Variants in EIF4G3 observed in about 807,000 individuals in gnomAD.
EIF4G3 encodes the protein eukaryotic translation initiation factor 4 gamma 3.
EIF4G3 carries 34 observed loss-of-function variants against 186.4 expected under a neutral mutation model. The observed-to-expected ratio is 0.18, with a 90% CI of 0.14 to 0.24. The LOEUF (loss-of-function observed/expected upper bound fraction) is 0.24. Ranked by LOEUF, EIF4G3 falls within the 10% of genes least tolerant of loss-of-function variation. The pLI, the probability that EIF4G3 is intolerant of heterozygous loss-of-function variation, is 1.00. For synonymous variants in EIF4G3, 673 were observed against 679.5 expected (o/e 0.99, Z 0.15); for missense variants, 1,536 against 1,948.5 (o/e 0.79, Z 3.99).
intron 29 of EIF4G3, among the ~76,000 whole-genome samples, chr1:20,847,261 C>G (rs191979647): frequency 7.9e-5 from 12 of 152,314 alleles, no homozygotes; most frequent in African/African-American, 2.9e-4. Flanking sequence ...CAGCACCCAA[C>G]GCAGAGTAAG....
At chr1:20,943,414 A>G (rs2095798003) in intron 13 of EIF4G3, among the ~76,000 whole-genome samples, 1 of 152,230 alleles carries the variant, frequency 6.6e-6, no homozygotes, top group Admixed American at 6.5e-5. Context: ...GAAAAACACA[A>G]GGAACAATAA....
chr1:20,909,028 T>C (rs2092746793), intron 14 of EIF4G3, among the ~76,000 whole-genome samples: 1 of 152,060 alleles, frequency 6.6e-6, no homozygotes, highest in Admixed American at 6.5e-5. Flanking sequence ...GGCATGTGCC[T>C]GTAATCCCAG....
At position 20,853,684 on chromosome 1, in the gene EIF4G3, A is replaced by C; in HGVS notation, c.3434-7T>G. 3 of 1,596,764 alleles carry C rather than the reference A, an allele frequency of 1.9e-6. No homozygotes were observed. Among genetic ancestry groups the C allele is most frequent in the Non-Finnish European group, 1.7e-6 (2 of 1,164,862 alleles). ...GCACTTGACCGTAAGGCATCTACAC[A>C]TGTCGAGGATTTAGAAAAAAATACA... On this transcript the variant is annotated splice_region_variant and splice_polypyrimidine_tract_variant and intron_variant, in intron 26 of 36. Coordinates refer to ENST00000602326, the MANE Select transcript of EIF4G3 (RefSeq NM_001391906.1).
At chr1:20,892,860 G>T in intron 18 of EIF4G3, 1 of 634,680 alleles carries the variant, frequency 1.6e-6, no homozygotes, top group Non-Finnish European at 2.7e-6. Context: ...TTTTTTCAGA[G>T]ACAGGGTCTT....
intron 27 of EIF4G3, 59 bp from the exon 28 acceptor site, chr1:20,851,537 CA>C (rs1266753866): frequency 6.6e-7 from 1 of 1,516,658 alleles, no homozygotes; most frequent in Non-Finnish European, 9.1e-7. Flanking sequence ...CCCACATATT[CA>C]AATTATAAAA....
intron 33 of EIF4G3, among the ~76,000 whole-genome samples, chr1:20,820,332 G>C (rs545966257): frequency 6.6e-6 from 1 of 152,350 alleles, no homozygotes; most frequent in African/African-American, 2.4e-5. Context: ...GGGTGCAGCT[G>C]TGGCTGCCCT....
chr1:21,161,190 T>A (rs1337804163), intron 2 of EIF4G3, among the ~76,000 whole-genome samples: 1 of 149,974 alleles, frequency 6.7e-6, no homozygotes, highest in African/African-American at 2.5e-5. Context: ...TTTCTTCCTC[T>A]TTGACTGAGC....
intron 3 of EIF4G3, among the ~76,000 whole-genome samples, chr1:21,077,401 G>GA (rs751211348): frequency 0.05 from 4,964 of 98,532 alleles, 275 homozygotes; most frequent in African/African-American, 0.16. Flanking sequence ...GCCCTGTCTA[G>GA]AAAAAAAAAA....
At chr1:21,098,018 A>C (rs2096417853) in intron 2 of EIF4G3, among the ~76,000 whole-genome samples, 1 of 152,158 alleles carries the variant, frequency 6.6e-6, no homozygotes, top group South Asian at 2.1e-4. Context: ...AGGTGGGAGG[A>C]TCACTTGAGT....
chr1:20,814,862 C>G (rs904126733), intron 34 of EIF4G3, among the ~76,000 whole-genome samples: 2 of 120,862 alleles, frequency 1.7e-5, no homozygotes, highest in Non-Finnish European at 3.5e-5. Flanking sequence ...GCTGCCATCT[C>G]GGCTCACTGC....
intron 3 of EIF4G3, among the ~76,000 whole-genome samples, chr1:21,080,271 G>A (rs1004457395): frequency 2.0e-5 from 3 of 151,088 alleles, no homozygotes; most frequent in African/African-American, 4.9e-5. Context: ...AGACATGATC[G>A]TGCGACTGCA....
Position 20,895,365 on chromosome 1 carries a change from T to C in EIF4G3, c.2133+3A>G. The C allele has an allele frequency of 1.2e-6, 2 of 1,612,976 alleles. No individual in the cohort carries two copies. Among genetic ancestry groups the C allele is most frequent in the Non-Finnish European group, 1.7e-6 (2 of 1,179,256 alleles). ...ACTAGTTTTCTCTGAGTACGCAGCTTACCTTGTCAAGAACCACATCACTGA... is the reference window on the plus strand; with the variant it reads ...ACTAGTTTTCTCTGAGTACGCAGCTCACCTTGTCAAGAACCACATCACTGA... On this transcript the variant is annotated splice_donor_region_variant and intron_variant, in intron 17 of 36. Transcript: ENST00000602326.
chr1:20,930,125 T>C (rs539906277), intron 14 of EIF4G3, among the ~76,000 whole-genome samples: 37 of 152,318 alleles, frequency 2.4e-4, no homozygotes, highest in Middle Eastern at 3.4e-3. Context: ...AAAATACTAA[T>C]GATCATCTCA....
At chr1:20,997,496 G>A (rs1049655109) in intron 7 of EIF4G3, 105 bp downstream of exon 7, 2 of 1,089,286 alleles carry the variant, frequency 1.8e-6, no homozygotes, top group African/African-American at 1.6e-5. Context: ...CTTGAAATGA[G>A]TAATTTGAGT....
At chr1:21,163,059 A>AC (rs2097792019) in intron 2 of EIF4G3, among the ~76,000 whole-genome samples, 1 of 152,152 alleles carries the variant, frequency 6.6e-6, no homozygotes, top group Non-Finnish European at 1.5e-5. Context: ...TCATGGTGGC[A>AC]CCTTTCAAAG....
At chr1:20,849,706 T>G (rs2072618618) in intron 28 of EIF4G3, among the ~76,000 whole-genome samples, 176 bp from the exon 29 acceptor site, 1 of 152,232 alleles carries the variant, frequency 6.6e-6, no homozygotes, top group Non-Finnish European at 1.5e-5. Context: ...ACTAAGTAAC[T>G]TTATAATCTA....
intron 4 of EIF4G3, among the ~76,000 whole-genome samples, chr1:21,023,932 C>T (rs1571208499): frequency 1.6e-5 from 2 of 123,560 alleles, no homozygotes; most frequent in African/African-American, 5.6e-5. Context: ...ATGTGAGGAG[C>T]GCCTCTGCCC....
At chr1:21,095,769 T>C (rs910217743) in intron 2 of EIF4G3, among the ~76,000 whole-genome samples, 1 of 152,066 alleles carries the variant, frequency 6.6e-6, no homozygotes, top group Non-Finnish European at 1.5e-5. Flanking sequence ...CCCAGAAACA[T>C]ATCCTGTAAG....
intron 27 of EIF4G3, among the ~76,000 whole-genome samples, chr1:20,852,796 T>G (rs1001899493): frequency 1.3e-5 from 2 of 152,160 alleles, no homozygotes; most frequent in Non-Finnish European, 2.9e-5. Context: ...CATGAAAAGC[T>G]GCCTTGTGCT....
Sources: gnomAD v4.1 joint callset for allele counts (sites outside exome capture counted in the v4.1 genomes callset) on GRCh38, gnomAD v4.1.1 for gene constraint, MANE v1.5 for transcripts, NCBI Gene and HGNC (gene_info 2026-07-23, HGNC 2026-07-21) for gene names.